The following PRR5L variants were observed in gnomAD, a reference collection of about 807,000 sequenced individuals.
The protein encoded by PRR5L is proline rich 5 like.
PRR5L carries 21 observed loss-of-function variants against 36.4 expected under a neutral mutation model. That is an observed-to-expected ratio of 0.58 (90% confidence interval 0.41 to 0.83). The LOEUF (loss-of-function observed/expected upper bound fraction) is 0.83. PRR5L is among the 40% of genes least tolerant of loss of function. The pLI, the probability that PRR5L is intolerant of heterozygous loss-of-function variation, is 0.00. For missense variants in PRR5L, 381 were observed against 473.3 expected, an observed-to-expected ratio of 0.80 and a Z score of 1.81; for synonymous variants, 188 against 197.0, an observed-to-expected ratio of 0.95 and a Z score of 0.38.
At chr11:36,382,365 T>C (rs774579863) in intron 1 of PRR5L, among the ~76,000 whole-genome samples, 2 of 152,204 alleles carry the variant, frequency 1.3e-5, no homozygotes, top group Non-Finnish European at 2.9e-5. Flanking sequence ...AGTTTCCCTA[T>C]TTACAAAGTA....
At chr11:36,393,708 T>G (rs1279493306) in intron 1 of PRR5L, 2 of 152,366 alleles carry the variant, frequency 1.3e-5, no homozygotes, top group East Asian at 3.9e-4. Flanking sequence ...TCTATTTCTG[T>G]GAAGAATGTC....
chr11:36,415,088 A>G (rs2133576583), intron 3 of PRR5L, among the ~76,000 whole-genome samples: 1 of 150,998 alleles, frequency 6.6e-6, no homozygotes, highest in South Asian at 2.1e-4. Flanking sequence ...TTTTGGTAGC[A>G]GTACCATGCT....
At chr11:36,382,498 CAG>C (rs1369216115) in intron 1 of PRR5L, among the ~76,000 whole-genome samples, 1 of 152,232 alleles carries the variant, frequency 6.6e-6, no homozygotes, top group African/African-American at 2.4e-5. Context: ...TGTTAAACCA[CAG>C]AATCCGATTC....
intron 1 of PRR5L, among the ~76,000 whole-genome samples, chr11:36,374,083 TTCCTTCCTTCCTTCCTTCCTTC>T (rs1389146607): frequency 1.2e-3 from 145 of 117,698 alleles, no homozygotes; most frequent in African/African-American, 5.2e-3. Context: ...CCTTCCTTCC[TTCCTTCCTTCCTTCCTTCCTTC>T]CTCTCTCTCT....
intron 3 of PRR5L, among the ~76,000 whole-genome samples, chr11:36,409,641 AGC>A (rs1857984438): frequency 6.6e-6 from 1 of 152,236 alleles, no homozygotes; most frequent in Non-Finnish European, 1.5e-5. Context: ...GCCTGGATCC[AGC>A]TCACAGGCTG....
At chr11:36,301,440 G>A (rs575152921) in intron 1 of PRR5L, among the ~76,000 whole-genome samples, 1 of 152,308 alleles carries the variant, frequency 6.6e-6, no homozygotes, top group South Asian at 2.1e-4. Context: ...CATGGGAATG[G>A]GGAGGGGTTA....
intron 1 of PRR5L, chr11:36,297,484 G>T (rs917158336): frequency 6.6e-6 from 1 of 152,194 alleles, no homozygotes; most frequent in African/African-American, 2.4e-5. Flanking sequence ...ACCAGGCTAA[G>T]TTGCCTCATA....
intron 1 of PRR5L, among the ~76,000 whole-genome samples, chr11:36,301,737 A>G (rs1856379290): frequency 6.6e-6 from 1 of 152,210 alleles, no homozygotes. Context: ...GAGCAATTCA[A>G]ATGCAATGGA....
chr11:36,409,705 A>G lies in PRR5L; in HGVS notation c.245+6327A>G, dbSNP rs115426223. Among the ~76,000 whole-genome samples, 507 of 152,284 alleles carry G rather than the reference A, an allele frequency of 3.3e-3. 4 individuals are homozygous for G. The highest frequency in any genetic ancestry group is 0.011 in the African/African-American group (474 of 41,558). On this transcript the variant is annotated intron_variant, in intron 3 of 8. Coordinates refer to ENST00000530639, the MANE Select transcript of PRR5L (RefSeq NM_001160167.2). The stretch of plus-strand genomic sequence containing the variant: ...TGCCACGAGGTAATGATAACTGCAG[A>G]CACTTGCTTAGCCTTTTAGTATATG...
chr11:36,304,055 C>T (rs528398043), intron 1 of PRR5L, among the ~76,000 whole-genome samples: 2 of 152,280 alleles, frequency 1.3e-5, no homozygotes, highest in African/African-American at 2.4e-5. Context: ...CACTGTGGCC[C>T]AGGAGGGTCC....
intron 1 of PRR5L, among the ~76,000 whole-genome samples, chr11:36,331,192 G>T (rs1856715433): frequency 6.6e-6 from 1 of 152,072 alleles, no homozygotes; most frequent in Non-Finnish European, 1.5e-5. Flanking sequence ...CATAGAGACA[G>T]TTAAGAATCC....
chr11:36,329,920 G>A (rs72950015), intron 1 of PRR5L, among the ~76,000 whole-genome samples: 3,370 of 152,222 alleles, frequency 0.022, 75 homozygotes, highest in East Asian at 0.098. Context: ...TTTCCAAGAC[G>A]GCTTTTTAAA....
At chr11:36,370,031 G>A (rs1191800793) in intron 1 of PRR5L, among the ~76,000 whole-genome samples, 1 of 152,216 alleles carries the variant, frequency 6.6e-6, no homozygotes, top group Non-Finnish European at 1.5e-5. Flanking sequence ...TACAATGGCA[G>A]CATGTTTGAT....
chr11:36,459,323 A>G, intron 8 of PRR5L, among the ~76,000 whole-genome samples: 1 of 152,134 alleles, frequency 6.6e-6, no homozygotes, highest in East Asian at 1.9e-4. Flanking sequence ...AACTCTGTGC[A>G]TGTTTCTGCC....
chr11:36,428,789 CTT>C (rs552049176), intron 4 of PRR5L, among the ~76,000 whole-genome samples: 125 of 152,228 alleles, frequency 8.2e-4, no homozygotes, highest in African/African-American at 2.8e-3. Context: ...TTGAAAGGTA[CTT>C]TAGCCTCCTG....
intron 4 of PRR5L, among the ~76,000 whole-genome samples, chr11:36,422,458 T>C (rs1389819527): frequency 6.6e-6 from 1 of 152,180 alleles, no homozygotes; most frequent in Non-Finnish European, 1.5e-5. Flanking sequence ...TCCTGGGTGC[T>C]GGGCTCTGCA....
At chr11:36,415,714 A>T (rs1273818836) in intron 3 of PRR5L, among the ~76,000 whole-genome samples, 1 of 152,278 alleles carries the variant, frequency 6.6e-6, no homozygotes, top group Admixed American at 6.5e-5. Flanking sequence ...ACTGCACTCC[A>T]GCTTGGGCAA....
At chr11:36,306,663 C>T (rs1215999425) in intron 1 of PRR5L, among the ~76,000 whole-genome samples, 1 of 151,984 alleles carries the variant, frequency 6.6e-6, no homozygotes, top group African/African-American at 2.4e-5. Context: ...GCAAAGTTGC[C>T]TTCTAATAAA....
chr11:36,382,505 C>A (rs771896701), intron 1 of PRR5L, among the ~76,000 whole-genome samples: 4 of 152,172 alleles, frequency 2.6e-5, no homozygotes, highest in Admixed American at 6.5e-5. Flanking sequence ...CCACAGAATC[C>A]GATTCAGTAG....
Sources: gnomAD v4.1 joint callset for allele counts (sites outside exome capture counted in the v4.1 genomes callset) on GRCh38, gnomAD v4.1.1 for gene constraint, MANE v1.5 for transcripts, NCBI Gene and HGNC (gene_info 2026-07-23, HGNC 2026-07-21) for gene names.